The following CPEB1 variants were observed in gnomAD, a reference collection of about 807,000 sequenced individuals.
The protein encoded by CPEB1 is cytoplasmic polyadenylation element-binding protein 1.
CPEB1 carries 7 observed loss-of-function variants against 65.8 expected under a neutral mutation model. The observed-to-expected ratio is 0.11, with a 90% CI of 0.06 to 0.20. CPEB1 has a LOEUF of 0.20. CPEB1 is among the 10% of genes least tolerant of loss of function. The pLI, the probability that CPEB1 is intolerant of heterozygous loss-of-function variation, is 1.00. For synonymous variants in CPEB1, 262 were observed against 260.0 expected (o/e 1.01, Z -0.08); for missense variants, 551 against 712.2 (o/e 0.77, Z 2.58).
At chr15:82,561,989 G>A (rs958960160) in intron 4 of CPEB1, among the ~76,000 whole-genome samples, 2 of 152,188 alleles carry the variant, frequency 1.3e-5, no homozygotes, top group African/African-American at 4.8e-5. Flanking sequence ...CACTGTGTTA[G>A]AAGCACTTTA....
intron 1 of CPEB1, chr15:82,629,275 A>G (rs1334805005): frequency 4.1e-6 from 4 of 985,210 alleles, no homozygotes; most frequent in East Asian, 2.3e-4. Flanking sequence ...AGTAGCTGCT[A>G]ATTTGTATCT....
At chr15:82,578,683 A>G (rs1207971510) in intron 3 of CPEB1, among the ~76,000 whole-genome samples, 1 of 151,618 alleles carries the variant, frequency 6.6e-6, no homozygotes, top group Non-Finnish European at 1.5e-5. Flanking sequence ...CTTGAACCCA[A>G]GAGGCGGAGG....
intron 7 of CPEB1, among the ~76,000 whole-genome samples, 156 bp downstream of exon 7, chr15:82,553,722 T>C (rs2036690026): frequency 2.0e-5 from 3 of 152,158 alleles, no homozygotes; most frequent in South Asian, 4.1e-4. Flanking sequence ...AGGAGCACTA[T>C]GGGGGTCTAT....
chr15:82,550,179 C>T (rs765666206), intron 9 of CPEB1, among the ~76,000 whole-genome samples: 2 of 152,044 alleles, frequency 1.3e-5, no homozygotes, highest in East Asian at 3.8e-4. Context: ...AAATGACTGG[C>T]GAGAGGTTGG....
At chr15:82,581,649 G>GTATCTCAT (rs1490400715) in intron 3 of CPEB1, among the ~76,000 whole-genome samples, 2 of 152,130 alleles carry the variant, frequency 1.3e-5, no homozygotes, top group Admixed American at 1.3e-4. Context: ...GTGTAAACTG[G>GTATCTCAT]TATCTCATTG....
At position 82,639,427 on chromosome 15, in the gene CPEB1, G is replaced by C. The variant is rs191752617; in HGVS notation, c.-98+7710C>G. Among the ~76,000 whole-genome samples, 244 of 151,488 alleles carry C rather than the reference G, an allele frequency of 1.6e-3. 1 individual carries two copies. The highest frequency in any genetic ancestry group is 5.7e-3 in the African/African-American group (234 of 41,296). The stretch of plus-strand genomic sequence containing the variant: ...TTCAGGCTTCTGTTGTTACCAGTTA[G>C]TTTTGCCCATTTTTGAACCTCTTAT... On this transcript the variant is annotated intron_variant, in intron 1 of 12. Coordinates refer to ENST00000684509, the MANE Select transcript of CPEB1 (RefSeq NM_001365242.1).
intron 12 of CPEB1, 81 bp from the exon 13 acceptor site, chr15:82,544,783 T>C: frequency 9.2e-7 from 1 of 1,081,474 alleles, no homozygotes; most frequent in South Asian, 1.3e-5. Context: ...CTGCTTGTTC[T>C]GTTTGGAGAA....
intron 3 of CPEB1, among the ~76,000 whole-genome samples, chr15:82,616,438 T>C (rs1346376180): frequency 1.3e-5 from 2 of 152,348 alleles, no homozygotes; most frequent in African/African-American, 4.8e-5. Context: ...TTATTTGATG[T>C]TTATATTGTC....
intron 3 of CPEB1, among the ~76,000 whole-genome samples, chr15:82,621,157 T>C (rs901638120): frequency 2.0e-5 from 3 of 152,214 alleles, no homozygotes; most frequent in Non-Finnish European, 4.4e-5. Context: ...TTAGTGACGA[T>C]ACGGTTTATG....
chr15:82,570,420 T>G (rs1218639959), intron 4 of CPEB1, among the ~76,000 whole-genome samples: 1 of 134,444 alleles, frequency 7.4e-6, no homozygotes, highest in African/African-American at 2.8e-5. Flanking sequence ...TTTCCTAGAG[T>G]ATCTGCTGCC....
chr15:82,578,738 C>T (rs1567197162), intron 3 of CPEB1, among the ~76,000 whole-genome samples: 1 of 152,064 alleles, frequency 6.6e-6, no homozygotes, highest in Non-Finnish European at 1.5e-5. Context: ...GCCTGGGCAA[C>T]AAAGCAAGAT....
At chr15:82,603,306 C>T (rs1473038891) in intron 3 of CPEB1, among the ~76,000 whole-genome samples, 1 of 151,950 alleles carries the variant, frequency 6.6e-6, no homozygotes, top group African/African-American at 2.4e-5. Context: ...ATTTGACCTA[C>T]CTCCGAGCTC....
At chr15:82,611,060 T>C (rs2044112319) in intron 3 of CPEB1, among the ~76,000 whole-genome samples, 1 of 150,436 alleles carries the variant, frequency 6.6e-6, no homozygotes, top group African/African-American at 2.5e-5. Flanking sequence ...ACATCATATT[T>C]AATGGTGAAT....
At chr15:82,606,077 G>A (rs2043558359) in intron 3 of CPEB1, among the ~76,000 whole-genome samples, 2 of 152,168 alleles carry the variant, frequency 1.3e-5, no homozygotes, top group Non-Finnish European at 1.5e-5. Context: ...AACAGCACAA[G>A]AGGAGGAGAA....
intron 3 of CPEB1, among the ~76,000 whole-genome samples, chr15:82,602,171 T>C (rs748971359): frequency 7.9e-5 from 12 of 152,156 alleles, no homozygotes; most frequent in Non-Finnish European, 1.8e-4. Context: ...TCTATGACCA[T>C]AGTGGAATTA....
intron 1 of CPEB1, among the ~76,000 whole-genome samples, chr15:82,635,067 C>G (rs2046552082): frequency 1.3e-5 from 2 of 152,136 alleles, no homozygotes; most frequent in African/African-American, 4.8e-5. Context: ...GTTGGCCAGG[C>G]TGGTCTCAAA....
chr15:82,549,690 G>T, intron 9 of CPEB1, 32 bp from the exon 10 acceptor site: 1 of 1,602,656 alleles, frequency 6.2e-7, no homozygotes, highest in Non-Finnish European at 8.5e-7. Flanking sequence ...ATCAGCCCTG[G>T]CAGAGAGCCA....
At chr15:82,572,781 A>T (rs936784453) in intron 3 of CPEB1, among the ~76,000 whole-genome samples, 2 of 152,190 alleles carry the variant, frequency 1.3e-5, no homozygotes, top group African/African-American at 4.8e-5. Context: ...TGCCTCTAAC[A>T]TCCAGGCCCT....
chr15:82,550,485 A>C (rs923368114), intron 9 of CPEB1, among the ~76,000 whole-genome samples: 1 of 152,212 alleles, frequency 6.6e-6, no homozygotes, highest in African/African-American at 2.4e-5. Context: ...AGTCTGCAGT[A>C]CTCAGACAGC....
Sources: gnomAD v4.1 joint callset for allele counts (sites outside exome capture counted in the v4.1 genomes callset) on GRCh38, gnomAD v4.1.1 for gene constraint, MANE v1.5 for transcripts, NCBI Gene and HGNC (gene_info 2026-07-23, HGNC 2026-07-21) for gene names.